Variants in SAMD3 observed in about 807,000 individuals in gnomAD.
SAMD3 encodes the protein sterile alpha motif domain-containing protein 3.
SAMD3 carries 63 observed loss-of-function variants against 58.5 expected under a neutral mutation model. The observed-to-expected ratio is 1.08, with a 90% CI of 0.88 to 1.33. SAMD3 has a LOEUF of 1.33. Ranked by LOEUF, SAMD3 falls within the 40% of genes most tolerant of loss-of-function variation. SAMD3 has a pLI of 0.00. For synonymous variants in SAMD3, 220 were observed against 210.3 expected (o/e 1.05, Z -0.40); for missense variants, 604 against 608.4 (o/e 0.99, Z 0.08).
chr6:130,191,063 T>C lies in SAMD3; in HGVS notation c.384-6440A>G, dbSNP rs1036737023. 2.0e-5 allele frequency among the ~76,000 whole-genome samples: 3 copies of C among 151,718 alleles called. No homozygotes were observed. The East Asian group carries it at 5.8e-4, about 29-fold the overall frequency. ...ACATTCAATACTTGACCATACTAGA[T>C]ATCTGCCTTTTGCATGATTTCACAT... On this transcript the variant is annotated intron_variant, in intron 5 of 11. Coordinates refer to ENST00000439090, the MANE Select transcript of SAMD3 (RefSeq NM_001017373.4).
intron 2 of SAMD3, among the ~76,000 whole-genome samples, chr6:130,304,054 A>C (rs936616703): frequency 6.6e-6 from 1 of 152,136 alleles, no homozygotes; most frequent in Non-Finnish European, 1.5e-5. Flanking sequence ...CTATATGTTT[A>C]AATGTTTTCC....
chr6:130,318,186 G>A (rs910644737), intron 1 of SAMD3, among the ~76,000 whole-genome samples: 1 of 152,060 alleles, frequency 6.6e-6, no homozygotes, highest in South Asian at 2.1e-4. Context: ...ATAATTCAGT[G>A]GGCATTTGAG....
At chr6:130,246,596 G>A (rs1773554666) in intron 2 of SAMD3, among the ~76,000 whole-genome samples, 2 of 152,040 alleles carry the variant, frequency 1.3e-5, no homozygotes. Flanking sequence ...GTGGGAAAGA[G>A]CATATACAAA....
At chr6:130,209,443 A>G in intron 5 of SAMD3, 52 bp downstream of exon 5, 1 of 947,630 alleles carries the variant, frequency 1.1e-6, no homozygotes, top group Non-Finnish European at 1.7e-6. Context: ...TCAAAAAGAA[A>G]TAGAGAAGAA....
chr6:130,275,158 CT>C (rs1032882702), intron 2 of SAMD3, among the ~76,000 whole-genome samples: 2 of 152,028 alleles, frequency 1.3e-5, no homozygotes, highest in African/African-American at 4.8e-5. Flanking sequence ...TCTTTGATTC[CT>C]TGTGGTGTCA....
chr6:130,307,186 A>G (rs1562511847), intron 2 of SAMD3, among the ~76,000 whole-genome samples: 1 of 152,230 alleles, frequency 6.6e-6, no homozygotes, highest in Non-Finnish European at 1.5e-5. Flanking sequence ...CATTCCCTAA[A>G]TGTGAGAGAT....
intron 1 of SAMD3, among the ~76,000 whole-genome samples, chr6:130,320,844 A>G (rs1402070669): frequency 6.6e-6 from 1 of 152,160 alleles, no homozygotes; most frequent in Non-Finnish European, 1.5e-5. Flanking sequence ...GGTATATCTG[A>G]CTTCATCTTC....
intron 1 of SAMD3, among the ~76,000 whole-genome samples, chr6:130,329,156 T>C (rs1291040025): frequency 1.3e-5 from 2 of 151,956 alleles, no homozygotes; most frequent in African/African-American, 4.8e-5. Flanking sequence ...TCTGTTTGAA[T>C]TTAGCAGACC....
At chr6:130,259,408 C>T (rs1774035926) in intron 2 of SAMD3, among the ~76,000 whole-genome samples, 1 of 152,076 alleles carries the variant, frequency 6.6e-6, no homozygotes, top group African/African-American at 2.4e-5. Flanking sequence ...ACAATCAGTT[C>T]TCTTGGGAAT....
At chr6:130,176,108 G>T in intron 7 of SAMD3, 100 bp from the exon 8 acceptor site, 1 of 926,612 alleles carries the variant, frequency 1.1e-6, no homozygotes, top group Non-Finnish European at 1.7e-6. Flanking sequence ...TCATCTTTGG[G>T]CTTGAAATTA....
chr6:130,352,138 C>T (rs1490746806), intron 1 of SAMD3, among the ~76,000 whole-genome samples: 1 of 151,932 alleles, frequency 6.6e-6, no homozygotes, highest in Non-Finnish European at 1.5e-5. Context: ...GGGTGCAGCA[C>T]ACCAACATGG....
rs530254026 is a variant in SAMD3 at position 130,248,065 on chromosome 6, T to C, written c.-187-25252A>G. Among the ~76,000 whole-genome samples, 62 of 152,318 alleles carry C rather than the reference T, an allele frequency of 4.1e-4. No individual in the cohort carries two copies. The South Asian group carries it at 9.7e-3, about 24-fold the overall frequency. On this transcript the variant is annotated intron_variant, in intron 2 of 13. Transcript: ENST00000368134. ...TTTATTTTTGGCTAGCTTTCAACCT[T>C]GCTGATATTAAGATTCATACATCTG... is the stretch of plus-strand genomic sequence containing the variant.
chr6:130,345,948 G>A (rs548436810), intron 1 of SAMD3, among the ~76,000 whole-genome samples: 1 of 152,308 alleles, frequency 6.6e-6, no homozygotes, highest in Admixed American at 6.5e-5. Flanking sequence ...CCATGAGAAG[G>A]GTTTTGGATA....
intron 1 of SAMD3, among the ~76,000 whole-genome samples, chr6:130,216,999 A>T (rs1332559008): frequency 1.3e-5 from 2 of 152,246 alleles, no homozygotes; most frequent in Non-Finnish European, 2.9e-5. Flanking sequence ...ATCGATGGAT[A>T]AAAGGAAATT....
chr6:130,218,226 C>T (rs1255971777), intron 1 of SAMD3, among the ~76,000 whole-genome samples: 1 of 152,160 alleles, frequency 6.6e-6, no homozygotes, highest in Non-Finnish European at 1.5e-5. Flanking sequence ...AGCGAGGGTC[C>T]TGCTAGTATA....
At chr6:130,185,141 A>G (rs1440854636) in intron 5 of SAMD3, among the ~76,000 whole-genome samples, 1 of 152,164 alleles carries the variant, frequency 6.6e-6, no homozygotes, top group African/African-American at 2.4e-5. Flanking sequence ...CAAATTAAAT[A>G]TAAGTAACAG....
chr6:130,299,865 C>A (rs142291225), intron 2 of SAMD3, among the ~76,000 whole-genome samples: 1 of 151,952 alleles, frequency 6.6e-6, no homozygotes, highest in African/African-American at 2.4e-5. Context: ...CTATAGAAAA[C>A]GAATAATTTT....
At chr6:130,323,449 T>C (rs1776651350) in intron 1 of SAMD3, among the ~76,000 whole-genome samples, 1 of 152,112 alleles carries the variant, frequency 6.6e-6, no homozygotes. Context: ...TTCCAATTTT[T>C]TTTTTTTTTG....
chr6:130,197,045 A>G (rs1451658152), intron 5 of SAMD3, among the ~76,000 whole-genome samples: 1 of 152,202 alleles, frequency 6.6e-6, no homozygotes, highest in Non-Finnish European at 1.5e-5. Flanking sequence ...AACGGAGTAA[A>G]GGTCTTTTAA....
Sources: allele counts gnomAD v4.1 joint callset (sites outside exome capture counted in the v4.1 genomes callset), GRCh38; gene constraint gnomAD v4.1.1; transcripts MANE v1.5; gene names NCBI Gene and HGNC (gene_info 2026-07-23, HGNC 2026-07-21).